FAM149A: variants seen among roughly 807,000 people sequenced by gnomAD.
The protein encoded by FAM149A is protein FAM149A.
FAM149A carries 71 observed loss-of-function variants against 78.2 expected under a neutral mutation model. That is an observed-to-expected ratio of 0.91 (90% CI 0.75 to 1.11). FAM149A has a LOEUF of 1.11. Among genes scored for constraint, FAM149A ranks in the 50% least tolerant of loss-of-function variants. The probability of loss-of-function intolerance (pLI) is 0.00; values close to 1 mark genes in which losing one functional copy is unlikely to be tolerated. For missense variants in FAM149A, 1,036 were observed against 971.0 expected, an observed-to-expected ratio of 1.07 and a Z score of -0.89; for synonymous variants, 446 against 410.5, an observed-to-expected ratio of 1.09 and a Z score of -1.04.
chr4:186,136,976 T>TCTCTC (rs2099323291), intron 1 of FAM149A, among the ~76,000 whole-genome samples: 5 of 72,102 alleles, frequency 6.9e-5, no homozygotes, highest in African/African-American at 2.5e-4. Context: ...CTCTCTCTCT[T>TCTCTC]TCTCTCTCTC....
chr4:186,170,506 GGGT>G (rs1735435003), intron 13 of FAM149A, among the ~76,000 whole-genome samples: 1 of 152,208 alleles, frequency 6.6e-6, no homozygotes, highest in South Asian at 2.1e-4. Context: ...GTTCAGGTAG[GGGT>G]GGCCCTGTCC....
chr4:186,135,085 AC>A (rs1406405972), intron 1 of FAM149A, among the ~76,000 whole-genome samples: 2 of 152,102 alleles, frequency 1.3e-5, no homozygotes, highest in African/African-American at 2.4e-5. Flanking sequence ...TGCACCAGAG[AC>A]CGGGGTGGGG....
intron 1 of FAM149A, among the ~76,000 whole-genome samples, chr4:186,111,680 A>G (rs1427544645): frequency 2.7e-5 from 4 of 150,882 alleles, no homozygotes; most frequent in African/African-American, 7.3e-5. Flanking sequence ...TGTTTTTCTC[A>G]GGTTTGTCAA....
In FAM149A at chr4:186,164,903, A is replaced by G. The variant is rs757281374; in HGVS notation, c.1890-441A>G. 6.6e-6 allele frequency among the ~76,000 whole-genome samples: 1 copy of G among 151,852 alleles called. No individual in the cohort carries two copies. Reference sequence around the variant, plus strand: ...TTCTTCCCAATTGCTCTCCCTACACATGGAATTGTAGTCCCACAGACAGCC... The same window carrying G: ...TTCTTCCCAATTGCTCTCCCTACACGTGGAATTGTAGTCCCACAGACAGCC... On this transcript the variant is annotated intron_variant, in intron 10 of 13. Transcript: ENST00000389354. The surrounding 1 kb of genome is among the most constrained non-coding windows in gnomAD (Gnocchi z 4.0).
chr4:186,140,257 A>T (rs1265685006), intron 1 of FAM149A, among the ~76,000 whole-genome samples: 2 of 152,064 alleles, frequency 1.3e-5, no homozygotes, highest in Non-Finnish European at 2.9e-5. Flanking sequence ...TTATATTACT[A>T]ATTAATTTTC....
At chr4:186,135,299 C>T (rs769752463) in intron 1 of FAM149A, among the ~76,000 whole-genome samples, 1 of 152,186 alleles carries the variant, frequency 6.6e-6, no homozygotes, top group Non-Finnish European at 1.5e-5. Flanking sequence ...TTCTAGTGTT[C>T]TGAAATTCCA....
At chr4:186,117,645 C>T (rs901282042) in intron 1 of FAM149A, 1 of 985,198 alleles carries the variant, frequency 1.0e-6, no homozygotes, top group Non-Finnish European at 1.2e-6. Flanking sequence ...AGGAGCACAG[C>T]TGTTGTGAAA....
Position 186,104,951 on chromosome 4 carries a change from CA to C in FAM149A, c.-125del, listed in dbSNP as rs1462110035. On this transcript the variant is annotated 5_prime_UTR_variant, in exon 1 of 14. Coordinates refer to ENST00000389354, the MANE Select transcript of FAM149A (RefSeq NM_001367768.3). ...AGCGTCCTCGGGGAGGAGAGGGAGC[CA>C]GGGGCCTCCGGGGCTCCGGGTGCGG... is the stretch of plus-strand genomic sequence containing the variant. 4 of 1,169,352 alleles carry C rather than the reference CA, an allele frequency of 3.4e-6. No homozygotes were observed. Among genetic ancestry groups the C allele is most frequent in the Non-Finnish European group, 4.3e-6 (4 of 937,316 alleles). 72.4% of individuals were successfully genotyped at this position (1,169,352 alleles called of 1,614,324 possible). A position where few individuals can be genotyped will look rare whatever the true frequency, so the allele number is the denominator to read the frequency against.
At chr4:186,125,386 C>G in intron 1 of FAM149A, 1 of 957,482 alleles carries the variant, frequency 1.0e-6, no homozygotes, top group Non-Finnish European at 1.2e-6. Flanking sequence ...ATGATAGCCA[C>G]TGCTGAGGGA....
chr4:186,141,404 G>A (rs1041809795), intron 1 of FAM149A, among the ~76,000 whole-genome samples: 1 of 151,976 alleles, frequency 6.6e-6, no homozygotes, highest in African/African-American at 2.4e-5. Flanking sequence ...AAAATTAATT[G>A]TACCTGTTTC....
At chr4:186,125,842 A>C (rs1353488616) in intron 1 of FAM149A, 18 of 985,288 alleles carry the variant, frequency 1.8e-5, no homozygotes, top group Non-Finnish European at 2.2e-5. Flanking sequence ...CGAGGTAGGG[A>C]TGAGATGTTG....
intron 1 of FAM149A, among the ~76,000 whole-genome samples, chr4:186,111,452 G>A (rs1421383078): frequency 1.3e-5 from 2 of 151,772 alleles, no homozygotes; most frequent in Non-Finnish European, 2.9e-5. Flanking sequence ...TTGGTGTTTT[G>A]GACATGAAGT....
At chr4:186,136,998 C>CTCTCTCTCTCTCTT (rs2099323528) in intron 1 of FAM149A, among the ~76,000 whole-genome samples, 1 of 138,940 alleles carries the variant, frequency 7.2e-6, no homozygotes, top group African/African-American at 2.7e-5. Context: ...CTCTCTCTCT[C>CTCTCTCTCTCTCTT]TCTCTCTCTC....
In FAM149A at chr4:186,175,106, T is replaced by G. The variant is rs1199969641; in HGVS notation, c.*3119T>G. ...AGAAAACTGCTAGATTTTGTGAATT[T>G]AATATAAAAGGAAGTATCCATATTG... On this transcript the variant is annotated 3_prime_UTR_variant, in exon 14 of 14. Transcript: ENST00000389354. Among the ~76,000 whole-genome samples, 1 of 111,562 alleles carries G rather than the reference T, an allele frequency of 9.0e-6. No individual in the cohort carries two copies. The highest frequency in any genetic ancestry group is 2.8e-5 in the African/African-American group (1 of 35,904). 73.2% of individuals were successfully genotyped at this position (111,562 alleles called of 152,430 possible). A position where few individuals can be genotyped will look rare whatever the true frequency, so the allele number is the denominator to read the frequency against.
intron 8 of FAM149A, chr4:186,158,308 C>T (rs1579908605): frequency 8.2e-7 from 1 of 1,215,146 alleles, no homozygotes; most frequent in Non-Finnish European, 1.0e-6. Context: ...GGCTAGCCCA[C>T]CTCCCATTGC....
intron 1 of FAM149A, among the ~76,000 whole-genome samples, chr4:186,106,899 A>G (rs758817713): frequency 2.5e-4 from 38 of 152,300 alleles, no homozygotes; most frequent in Non-Finnish European, 3.5e-4. Context: ...GCAGTGAGCC[A>G]AGATCGCACC....
rs750308856 is a variant in FAM149A, at chr4:186,165,357, G to T, written c.1903G>T (p.Asp635Tyr). 3.1e-6 allele frequency: 5 copies of T among 1,614,138 alleles called. No individual in the cohort carries two copies. The highest frequency in any genetic ancestry group is 1.7e-5 in the Admixed American group (1 of 60,006). The stretch of plus-strand genomic sequence containing the variant: ...GATGTGTTGCAGGCCGACTGGCGTG[G>T]ACCACATGGCTTCCCCACTGGTTCA... The change falls in exon 11 of 14, where the codon GAC (aspartate) becomes TAC (tyrosine). Residue 635 changes from aspartate to tyrosine, a missense_variant. Asp to Tyr is a radical substitution (Grantham distance 160). This residue lies in a region of FAM149A where 716 missense variants were observed against 711.8 expected (regional missense o/e 1.01). Transcript: ENST00000389354.
chr4:186,158,254 T>A, intron 8 of FAM149A: 2 of 1,247,308 alleles, frequency 1.6e-6, no homozygotes, highest in South Asian at 2.8e-5. Flanking sequence ...GGGAGCCATG[T>A]CTGCTGGTCC....
At chr4:186,129,705 A>G (rs903896875) in intron 1 of FAM149A, among the ~76,000 whole-genome samples, 22 of 152,244 alleles carry the variant, frequency 1.4e-4, no homozygotes, top group Admixed American at 1.2e-3. Flanking sequence ...ACAGTCTGCT[A>G]TACCAAGCAA....
Sources: gnomAD v4.1 joint callset for allele counts (sites outside exome capture counted in the v4.1 genomes callset) on GRCh38, gnomAD v4.1.1 for gene constraint, gnomAD v4.1.1 regional missense constraint, Gnocchi (gnomAD v3.1) non-coding constraint, MANE v1.5 for transcripts, NCBI Gene and HGNC (gene_info 2026-07-23, HGNC 2026-07-21) for gene names.